SPICE1: variants seen among roughly 807,000 people sequenced by gnomAD.
SPICE1 encodes spindle and centriole associated protein 1, also known as spindle and centriole-associated protein 1.
Under a neutral mutation model 102.7 loss-of-function variants are expected in SPICE1, and 75 were observed. That is an observed-to-expected ratio of 0.73 (90% CI 0.61 to 0.88). SPICE1 has a LOEUF of 0.88. Among genes scored for constraint, SPICE1 ranks in the 40% least tolerant of loss-of-function variants. The pLI is 0.00. For synonymous variants in SPICE1, 308 were observed against 350.3 expected (o/e 0.88, Z 1.35); for missense variants, 979 against 1,020.1 (o/e 0.96, Z 0.55).
intron 7 of SPICE1, among the ~76,000 whole-genome samples, chr3:113,473,683 A>G (rs12637502): frequency 0.18 from 26,878 of 151,370 alleles, 3,052 homozygotes; most frequent in East Asian, 0.42. Flanking sequence ...ATCCAGCCAA[A>G]CTAAGCTTCA....
chr3:113,456,474 G>A (rs1935780791), intron 13 of SPICE1, among the ~76,000 whole-genome samples: 1 of 152,040 alleles, frequency 6.6e-6, no homozygotes, highest in South Asian at 2.1e-4. Flanking sequence ...AAATGTACAT[G>A]GGGACAAATA....
intron 7 of SPICE1, among the ~76,000 whole-genome samples, chr3:113,485,633 G>C (rs867365044): frequency 6.6e-6 from 1 of 152,192 alleles, no homozygotes; most frequent in African/African-American, 2.4e-5. Context: ...CTGGGAGAAG[G>C]GGCGGCTGTG....
intron 13 of SPICE1, among the ~76,000 whole-genome samples, chr3:113,455,377 C>T (rs750242334): frequency 6.6e-6 from 1 of 152,150 alleles, no homozygotes; most frequent in Non-Finnish European, 1.5e-5. Flanking sequence ...GGAAATTCTA[C>T]AGCAATAGTG....
chr3:113,507,273 A>G (rs941780891), intron 1 of SPICE1, among the ~76,000 whole-genome samples: 1 of 152,148 alleles, frequency 6.6e-6, no homozygotes, highest in African/African-American at 2.4e-5. Flanking sequence ...TAAGCACACT[A>G]GACTACACAT....
rs539241438 is a variant in SPICE1, at chr3:113,458,643, G to C, written c.1436-1286C>G. On this transcript the variant is annotated intron_variant, in intron 12 of 17. Coordinates refer to ENST00000295872, the MANE Select transcript of SPICE1 (RefSeq NM_144718.4). The stretch of plus-strand genomic sequence containing the variant: ...TCTGCCCGGCCGCCACCCCGTCTAG[G>C]AAGTGAGGAGCGTCTCTGCCTGGCC... Among the ~76,000 whole-genome samples, 14 of 152,310 alleles carry C rather than the reference G, an allele frequency of 9.2e-5. No homozygotes were observed. The East Asian group carries it at 2.7e-3, about 29-fold the overall frequency.
chr3:113,506,577 C>T lies in SPICE1; in HGVS notation c.29G>A (p.Gly10Asp). The T allele has an allele frequency of 6.2e-7, 1 of 1,613,240 alleles. No homozygotes were observed. Among genetic ancestry groups the T allele is most frequent in the Non-Finnish European group, 8.5e-7 (1 of 1,179,740 alleles). ...TGTCTTTCTTACACCAACTCGGGGA[C>T]CACAGCGGTTCACTCTGACAAATGA... MSFVRVNRCGPRVGVRKTPK... is the reference protein window; with the variant it reads MSFVRVNRCDPRVGVRKTPK... The change falls in exon 2 of 18, where the codon GGT becomes GAT. Residue 10 changes from glycine (G) to aspartate (D), a missense_variant. Physicochemically the swap from Gly to Asp is moderately conservative, Grantham distance 94. Coordinates refer to ENST00000295872, the MANE Select transcript of SPICE1 (RefSeq NM_144718.4).
At chr3:113,484,665 A>G (rs1936601425) in intron 7 of SPICE1, among the ~76,000 whole-genome samples, 1 of 146,422 alleles carries the variant, frequency 6.8e-6, no homozygotes, top group South Asian at 2.2e-4. Flanking sequence ...CAGGTTGTTC[A>G]GTTTCCACGT....
rs771062254 is a variant in SPICE1, at chr3:113,469,102, T to C, written c.748A>G (p.Arg250Gly). The change falls in exon 8 of 18, where the codon AGA (arginine) becomes GGA (glycine). Residue 250 changes from arginine to glycine, a missense_variant. Physicochemically the swap from Arg to Gly is moderately radical, Grantham distance 125 (BLOSUM62 -2). Transcript: ENST00000295872. ...ATAATGCAAAAGGGAAACAAACCTC[T>C]TTGCTCCCCTGATGAAAGAGCAGAT... ...PSSALSSGEQ[R>G]AALNATNAVK... 1 of 1,611,306 alleles carries C rather than the reference T, an allele frequency of 6.2e-7. No individual in the cohort carries two copies. The highest frequency in any genetic ancestry group is 8.5e-7 in the Non-Finnish European group (1 of 1,179,148).
chr3:113,449,435 CA>C (rs1410637075), intron 15 of SPICE1: 8 of 152,122 alleles, frequency 5.3e-5, no homozygotes, highest in Non-Finnish European at 5.9e-5. Context: ...GAACAGTAGA[CA>C]AAACTGTCAT....
chr3:113,468,527 T>G (rs994902148), intron 9 of SPICE1, 123 bp from the exon 10 acceptor site: 1 of 1,216,772 alleles, frequency 8.2e-7, no homozygotes, highest in African/African-American at 1.5e-5. Flanking sequence ...ATATCACCAT[T>G]TCTCTCATAA....
Position 113,468,874 on chromosome 3 carries a change from G to A in SPICE1, c.777C>T (p.Val259=). Residue 259 remains valine, a synonymous_variant, in exon 9 of 18, where the codon GTC becomes GTT. Transcript: ENST00000295872. ...QRAALNATNA[V]KRLQTRLQPE... ...GCTGAAGCCTGGTTTGGAGTCTCTT[G>A]ACAGCATTGGTAGCATTCAGAGCAG... 6.2e-7 allele frequency: 1 copy of A among 1,613,874 alleles called. No homozygotes were observed. Among genetic ancestry groups the A allele is most frequent in the Non-Finnish European group, 8.5e-7 (1 of 1,179,972 alleles).
At chr3:113,490,831 G>A (rs1388633075) in intron 6 of SPICE1, among the ~76,000 whole-genome samples, 9 of 151,960 alleles carry the variant, frequency 5.9e-5, no homozygotes, top group East Asian at 1.9e-4. Context: ...CTGTCCTATC[G>A]GCCACCGAAT....
intron 10 of SPICE1, among the ~76,000 whole-genome samples, chr3:113,466,793 A>G (rs1439257670): frequency 1.3e-5 from 2 of 152,204 alleles, no homozygotes; most frequent in African/African-American, 4.8e-5. Context: ...CGCCTATAAT[A>G]CCAACACCTT....
At chr3:113,497,113 T>G (rs1936908485) in intron 4 of SPICE1, among the ~76,000 whole-genome samples, 1 of 152,188 alleles carries the variant, frequency 6.6e-6, no homozygotes, top group African/African-American at 2.4e-5. Flanking sequence ...GCCAACAGGA[T>G]ATATGCCAGA....
intron 4 of SPICE1, among the ~76,000 whole-genome samples, chr3:113,497,682 TAG>T (rs71134894): frequency 8.1e-5 from 11 of 136,238 alleles, no homozygotes; most frequent in Admixed American, 7.6e-5. Context: ...CATACATACA[TAG>T]AGAGAGAGAG....
intron 7 of SPICE1, among the ~76,000 whole-genome samples, chr3:113,487,329 T>G (rs1936672053): frequency 6.6e-6 from 1 of 152,142 alleles, no homozygotes; most frequent in Non-Finnish European, 1.5e-5. Flanking sequence ...CCAATAGTGT[T>G]AAATTGGACT....
chr3:113,503,052 G>T, intron 3 of SPICE1, 128 bp downstream of exon 3: 2 of 913,160 alleles, frequency 2.2e-6, no homozygotes, highest in Non-Finnish European at 3.3e-6. Flanking sequence ...ATTTTATATA[G>T]ACATAAACAA....
chr3:113,507,608 A>C (rs921418855), intron 1 of SPICE1, among the ~76,000 whole-genome samples: 1 of 152,164 alleles, frequency 6.6e-6, no homozygotes, highest in African/African-American at 2.4e-5. Flanking sequence ...TTCACTCCTT[A>C]AACATGGTAT....
At chr3:113,460,844 G>T (rs947736141) in intron 11 of SPICE1, 80 bp from the exon 12 acceptor site, 14 of 1,297,424 alleles carry the variant, frequency 1.1e-5, no homozygotes, top group Non-Finnish European at 1.5e-5. Flanking sequence ...CCACACAAAG[G>T]ATACGTGTGT....
Sources: gnomAD v4.1 joint callset for allele counts (sites outside exome capture counted in the v4.1 genomes callset) on GRCh38, gnomAD v4.1.1 for gene constraint, MANE v1.5 for transcripts, NCBI Gene and HGNC (gene_info 2026-07-23, HGNC 2026-07-21) for gene names.